SGCZ: variants seen among roughly 807,000 people sequenced by gnomAD.
SGCZ encodes sarcoglycan zeta, also known as zeta-sarcoglycan.
SGCZ carries 40 observed loss-of-function variants against 41.3 expected under a neutral mutation model. That is an observed-to-expected ratio of 0.97 (90% CI 0.75 to 1.26). SGCZ has a LOEUF of 1.26. Ranked by LOEUF, SGCZ falls within the 50% of genes most tolerant of loss-of-function variation. The pLI is 0.00. For synonymous variants in SGCZ, 206 were observed against 137.5 expected (o/e 1.50, Z -3.49); for missense variants, 552 against 369.8 (o/e 1.49, Z -4.04).
intron 1 of SGCZ, among the ~76,000 whole-genome samples, chr8:14,657,359 C>T (rs1022380198): frequency 2.6e-5 from 4 of 152,032 alleles, no homozygotes; most frequent in African/African-American, 9.7e-5. Context: ...AATATTACAA[C>T]TTTAGCATAA....
At chr8:15,132,560 C>A (rs13249540) in intron 1 of SGCZ, among the ~76,000 whole-genome samples, 74,958 of 151,952 alleles carry the variant, frequency 0.49, 19,386 homozygotes, top group Admixed American at 0.58. Flanking sequence ...TCCACTTATG[C>A]TAATTTTGGG....
In SGCZ at chr8:14,252,172, T is replaced by C. The variant is rs569149682; in HGVS notation, c.337-14493A>G. Among the ~76,000 whole-genome samples, 50 of 152,282 alleles carry C rather than the reference T, an allele frequency of 3.3e-4. No individual in the cohort carries two copies. In the East Asian group the frequency reaches 7.5e-3, roughly 23 times the overall value. ...ATGTCTCTTTAATGCTCTCTTATCT[T>C]TCCCATCTCCCTGTCTCTCTGTGAT... On this transcript the variant is annotated intron_variant, in intron 3 of 7. Coordinates refer to ENST00000382080, the MANE Select transcript of SGCZ (RefSeq NM_139167.4).
chr8:14,745,440 C>T (rs1799314341), intron 1 of SGCZ, among the ~76,000 whole-genome samples: 1 of 151,928 alleles, frequency 6.6e-6, no homozygotes, highest in South Asian at 2.1e-4. Context: ...TTTCCTTAGC[C>T]AGGAATGGTG....
intron 2 of SGCZ, among the ~76,000 whole-genome samples, chr8:14,338,608 G>C (rs898987259): frequency 1.9e-4 from 29 of 152,226 alleles, no homozygotes; most frequent in African/African-American, 6.3e-4. Context: ...ATTTTGTATT[G>C]AAATGCAATA....
intron 2 of SGCZ, among the ~76,000 whole-genome samples, chr8:14,353,628 T>A (rs183329154): frequency 1.3e-5 from 2 of 152,220 alleles, no homozygotes; most frequent in African/African-American, 4.8e-5. Context: ...TTCTTCTACG[T>A]TCTTATCATC....
chr8:15,030,207 G>T (rs1803609352), intron 1 of SGCZ, among the ~76,000 whole-genome samples: 1 of 152,096 alleles, frequency 6.6e-6, no homozygotes, highest in African/African-American at 2.4e-5. Flanking sequence ...TTCATAAGGG[G>T]TTATCTAAAA....
chr8:14,751,121 A>G (rs1799486786), intron 1 of SGCZ, among the ~76,000 whole-genome samples: 1 of 152,188 alleles, frequency 6.6e-6, no homozygotes, highest in South Asian at 2.1e-4. Context: ...ATGTTAGCCT[A>G]TTTTTAAGTA....
chr8:14,962,719 T>G (rs1033080943), intron 1 of SGCZ, among the ~76,000 whole-genome samples: 3 of 152,180 alleles, frequency 2.0e-5, no homozygotes, highest in East Asian at 3.9e-4. Context: ...CAGAGATAAT[T>G]GTCTAAACAG....
chr8:14,428,448 T>C (rs1409463073), intron 2 of SGCZ, among the ~76,000 whole-genome samples: 2 of 152,160 alleles, frequency 1.3e-5, no homozygotes, highest in Non-Finnish European at 2.9e-5. Flanking sequence ...ACGGTAATTA[T>C]ATTTTGTACC....
At chr8:14,490,517 C>G (rs118016387) in intron 2 of SGCZ, among the ~76,000 whole-genome samples, 3,554 of 152,198 alleles carry the variant, frequency 0.023, 59 homozygotes, top group Non-Finnish European at 0.039. Flanking sequence ...ATTCTCATCC[C>G]CTTACTCTTA....
chr8:14,155,593 G>T (rs1803852221), intron 5 of SGCZ, among the ~76,000 whole-genome samples: 1 of 151,706 alleles, frequency 6.6e-6, no homozygotes, highest in African/African-American at 2.4e-5. Context: ...ATGATTTCTT[G>T]TACATTTTTA....
At chr8:14,117,786 C>T (rs1390679083) in intron 5 of SGCZ, among the ~76,000 whole-genome samples, 2 of 151,404 alleles carry the variant, frequency 1.3e-5, no homozygotes, top group Non-Finnish European at 2.9e-5. Flanking sequence ...TCCCTGTGTC[C>T]ATGTGTTCTC....
At chr8:14,711,785 T>C (rs979846692) in intron 1 of SGCZ, among the ~76,000 whole-genome samples, 1 of 152,168 alleles carries the variant, frequency 6.6e-6, no homozygotes, top group African/African-American at 2.4e-5. Flanking sequence ...CGCCTTTATC[T>C]GGTACGTTCT....
At chr8:14,419,304 G>A (rs111470639) in intron 2 of SGCZ, among the ~76,000 whole-genome samples, 1,873 of 151,978 alleles carry the variant, frequency 0.012, 29 homozygotes, top group African/African-American at 0.031. Flanking sequence ...TGGGAGTTAC[G>A]TAAATCATCT....
intron 3 of SGCZ, among the ~76,000 whole-genome samples, chr8:14,296,943 C>T (rs773509244): frequency 6.6e-5 from 10 of 151,330 alleles, no homozygotes; most frequent in South Asian, 2.1e-4. Flanking sequence ...TTTTTTGAGT[C>T]GGATTTTCGC....
chr8:14,516,816 T>C (rs986659023), intron 2 of SGCZ, among the ~76,000 whole-genome samples: 1 of 152,120 alleles, frequency 6.6e-6, no homozygotes, highest in African/African-American at 2.4e-5. Flanking sequence ...GTAAATTTTG[T>C]TCACTGTTAA....
intron 1 of SGCZ, among the ~76,000 whole-genome samples, chr8:14,884,096 G>A (rs1183937504): frequency 1.3e-5 from 2 of 152,042 alleles, no homozygotes; most frequent in African/African-American, 4.8e-5. Context: ...ATGATTATTT[G>A]ACAGATTGAT....
intron 1 of SGCZ, among the ~76,000 whole-genome samples, chr8:14,648,468 T>C (rs118000576): frequency 6.6e-6 from 1 of 152,092 alleles, no homozygotes; most frequent in East Asian, 1.9e-4. Context: ...CACTGAATAG[T>C]ATGTTTAGTA....
chr8:14,475,468 C>T (rs1267621815), intron 2 of SGCZ, among the ~76,000 whole-genome samples: 1 of 151,976 alleles, frequency 6.6e-6, no homozygotes, highest in Non-Finnish European at 1.5e-5. Context: ...ATTCATTTTT[C>T]ATTCCAGTGA....
Sources: gnomAD v4.1 joint callset for allele counts (sites outside exome capture counted in the v4.1 genomes callset) on GRCh38, gnomAD v4.1.1 for gene constraint, MANE v1.5 for transcripts, NCBI Gene and HGNC (gene_info 2026-07-23, HGNC 2026-07-21) for gene names.